The following RBFOX1 variants were observed in gnomAD, a reference collection of about 807,000 sequenced individuals.
The protein encoded by RBFOX1 is RNA binding protein fox-1 homolog 1.
Under a neutral mutation model 57.7 loss-of-function variants are expected in RBFOX1, and 8 were observed. The ratio of observed to expected loss-of-function variants is 0.14; its 90% CI spans 0.08 to 0.25. The LOEUF (loss-of-function observed/expected upper bound fraction) is 0.25, where lower values mean the gene tolerates loss of function less well. RBFOX1 is among the 10% of genes least tolerant of loss of function. The pLI, the probability that RBFOX1 is intolerant of heterozygous loss-of-function variation, is 1.00. For synonymous variants in RBFOX1, 326 were observed against 222.4 expected (o/e 1.47, Z -4.15); for missense variants, 611 against 548.5 (o/e 1.11, Z -1.14).
rs147567484 is a variant in RBFOX1, at chr16:7,301,473, C to T, written c.28-216674C>T. On this transcript the variant is annotated intron_variant, in intron 4 of 15. Coordinates refer to ENST00000550418, the MANE Select transcript of RBFOX1 (RefSeq NM_018723.4). ...CTTAAGTTTAAGGGAATGTCAGAGC[C>T]GTTATTGCAAGATGGATCTGTGGGG... is the stretch of plus-strand genomic sequence containing the variant. Among the ~76,000 whole-genome samples the T allele has an allele frequency of 2.4e-3, 371 of 152,206 alleles. 4 individuals are homozygous for T. Among genetic ancestry groups the T allele is most frequent in the African/African-American group, 6.5e-3 (269 of 41,528 alleles).
At chr16:6,929,366 G>A (rs971818014) in intron 3 of RBFOX1, among the ~76,000 whole-genome samples, 3 of 152,020 alleles carry the variant, frequency 2.0e-5, no homozygotes, top group South Asian at 2.1e-4. Context: ...TTAGAATCCC[G>A]GTGCACGTCA....
intron 2 of RBFOX1, among the ~76,000 whole-genome samples, chr16:6,532,347 C>T (rs932326736): frequency 7.9e-5 from 12 of 152,064 alleles, no homozygotes; most frequent in South Asian, 2.1e-4. Context: ...TAGAGAAGGT[C>T]GATTTCTATC....
chr16:6,274,791 T>A (rs963826823), intron 1 of RBFOX1, among the ~76,000 whole-genome samples: 1 of 152,196 alleles, frequency 6.6e-6, no homozygotes, highest in South Asian at 2.1e-4. Context: ...ACATTTATGA[T>A]GTTAATAAAA....
chr16:6,199,505 TCTAATC>T (rs2097201715), intron 1 of RBFOX1, among the ~76,000 whole-genome samples: 1 of 152,188 alleles, frequency 6.6e-6, no homozygotes, highest in African/African-American at 2.4e-5. Context: ...CACCAAAAGG[TCTAATC>T]CTGAGTGACT....
At chr16:6,851,575 T>G (rs1328113615) in intron 3 of RBFOX1, among the ~76,000 whole-genome samples, 1 of 152,226 alleles carries the variant, frequency 6.6e-6, no homozygotes, top group African/African-American at 2.4e-5. Context: ...TGCCAAATTG[T>G]AAGAGCTTTC....
At chr16:6,678,172 G>A (rs994813599) in intron 3 of RBFOX1, among the ~76,000 whole-genome samples, 1 of 152,314 alleles carries the variant, frequency 6.6e-6, no homozygotes, top group African/African-American at 2.4e-5. Flanking sequence ...CGCCCAGGCT[G>A]GAGTGCAGTG....
At chr16:7,421,308 A>G (rs1224868110) in intron 4 of RBFOX1, among the ~76,000 whole-genome samples, 4 of 152,120 alleles carry the variant, frequency 2.6e-5, no homozygotes, top group African/African-American at 7.2e-5. Context: ...CTTGTTTCTG[A>G]TTTTATCTAA....
chr16:6,415,282 G>A (rs2152978539), intron 2 of RBFOX1, among the ~76,000 whole-genome samples: 1 of 147,722 alleles, frequency 6.8e-6, no homozygotes, highest in African/African-American at 2.5e-5. Context: ...TTCAGGTTGA[G>A]AAATCCTACA....
intron 1 of RBFOX1, among the ~76,000 whole-genome samples, chr16:5,453,091 C>G (rs1162866607): frequency 1.3e-5 from 2 of 152,188 alleles, no homozygotes; most frequent in African/African-American, 4.8e-5. Flanking sequence ...CTCCTCTAAT[C>G]TTTTCAGTCG....
intron 1 of RBFOX1, among the ~76,000 whole-genome samples, chr16:5,413,204 G>C (rs1313269702): frequency 1.3e-5 from 2 of 151,824 alleles, no homozygotes; most frequent in Admixed American, 1.3e-4. Context: ...TCTTAACTAA[G>C]AAAAAAAACC....
intron 1 of RBFOX1, among the ~76,000 whole-genome samples, chr16:5,319,937 C>G (rs1390719101): frequency 6.6e-6 from 1 of 152,186 alleles, no homozygotes; most frequent in Non-Finnish European, 1.5e-5. Context: ...TGGGTCATCT[C>G]TGTGAGGGGC....
chr16:6,407,103 G>A (rs1347703876), intron 2 of RBFOX1, among the ~76,000 whole-genome samples: 1 of 152,110 alleles, frequency 6.6e-6, no homozygotes, highest in Non-Finnish European at 1.5e-5. Flanking sequence ...TAATTGAGAT[G>A]GCTATGTAAC....
At chr16:7,394,531 C>G (rs1366477227) in intron 4 of RBFOX1, among the ~76,000 whole-genome samples, 1 of 152,132 alleles carries the variant, frequency 6.6e-6, no homozygotes, top group Non-Finnish European at 1.5e-5. Context: ...TGAAACCAAC[C>G]TGTACTTCCC....
intron 4 of RBFOX1, among the ~76,000 whole-genome samples, chr16:5,979,794 A>G (rs1376771465): frequency 2.0e-5 from 3 of 152,096 alleles, no homozygotes; most frequent in African/African-American, 7.2e-5. Flanking sequence ...CCCGGGAGGC[A>G]GAGGTTGCAG....
intron 2 of RBFOX1, among the ~76,000 whole-genome samples, chr16:6,428,531 T>A (rs2093992705): frequency 6.6e-6 from 1 of 152,172 alleles, no homozygotes. Flanking sequence ...CTTGATTTTC[T>A]CATCTGTAAA....
At chr16:6,233,795 C>T (rs528202301) in intron 1 of RBFOX1, among the ~76,000 whole-genome samples, 9 of 152,106 alleles carry the variant, frequency 5.9e-5, no homozygotes, top group Admixed American at 2.0e-4. Context: ...TTTTTCCATC[C>T]GTCCTCCATG....
chr16:6,833,088 C>T (rs552022513), intron 3 of RBFOX1, among the ~76,000 whole-genome samples: 1 of 152,076 alleles, frequency 6.6e-6, no homozygotes, highest in Admixed American at 6.6e-5. Context: ...TTTGAACTCA[C>T]TCCTCTTTCT....
chr16:5,478,443 C>G (rs2069408189), intron 2 of RBFOX1, among the ~76,000 whole-genome samples: 1 of 152,088 alleles, frequency 6.6e-6, no homozygotes, highest in Non-Finnish European at 1.5e-5. Flanking sequence ...CCTGGGACAT[C>G]TAAAGCTCTA....
intron 2 of RBFOX1, among the ~76,000 whole-genome samples, chr16:6,558,788 C>G (rs575487184): frequency 8.8e-5 from 13 of 147,138 alleles, no homozygotes; most frequent in African/African-American, 3.0e-4. Flanking sequence ...CACCCCCTGA[C>G]TTAAATCCTC....
Sources: gnomAD v4.1 joint callset for allele counts (sites outside exome capture counted in the v4.1 genomes callset) on GRCh38, gnomAD v4.1.1 for gene constraint, MANE v1.5 for transcripts, NCBI Gene and HGNC (gene_info 2026-07-23, HGNC 2026-07-21) for gene names.